Variants in NAA50 observed in about 807,000 individuals in gnomAD.
The protein encoded by NAA50 is N-alpha-acetyltransferase 50, NatE catalytic subunit.
Under a neutral mutation model 20.7 loss-of-function variants are expected in NAA50, and 7 were observed. The ratio of observed to expected loss-of-function variants is 0.34; its 90% CI spans 0.19 to 0.63. The LOEUF is 0.63. NAA50 is among the 30% of genes least tolerant of loss of function. The probability of loss-of-function intolerance (pLI) is 0.75; values close to 1 mark genes in which losing one functional copy is unlikely to be tolerated. For missense variants in NAA50, 111 were observed against 199.1 expected (o/e 0.56, Z 2.66); for synonymous variants, 54 against 70.6 (o/e 0.77, Z 1.18).
chr3:113,740,930 G>C (rs1176352201), intron 1 of NAA50: 1 of 501,858 alleles, frequency 2.0e-6, no homozygotes, highest in Non-Finnish European at 4.0e-6. Context: ...AAGGACTAGC[G>C]ATGGTAACAG....
Position 113,722,946 on chromosome 3 carries a change from T to C in NAA50, c.292A>G (p.Asn98Asp). The C allele has an allele frequency of 6.5e-7, 1 of 1,543,580 alleles. No individual in the cohort carries two copies. Among genetic ancestry groups the C allele is most frequent in the Middle Eastern group, 1.7e-4 (1 of 5,816 alleles). ...IGTKMLNHVL[N>D]ICEKDGTFDN... ...AAAGTACCATCTTTTTCACAGATGT[T>C]TAAGACATGATTTAACATTTTAGTT... Residue 98 changes from asparagine to aspartate, a missense_variant, in exon 4 of 5, where the codon AAC becomes GAC. Asn to Asp is a conservative substitution (Grantham distance 23, BLOSUM62 1). Transcript: ENST00000240922.
At chr3:113,745,860 C>T in intron 1 of NAA50, 82 bp downstream of exon 1, 1 of 1,487,948 alleles carries the variant, frequency 6.7e-7, no homozygotes, top group Non-Finnish European at 9.1e-7. Flanking sequence ...AATCTCTCCT[C>T]GCCTTTGCGG....
rs1035053764 is a variant in NAA50 at position 113,745,811 on chromosome 3, G to A, written c.8+131C>T. On this transcript the variant is annotated intron_variant, in intron 1 of 4. Coordinates refer to ENST00000240922, the MANE Select transcript of NAA50 (RefSeq NM_025146.4). ...GCCCCCTCCGGGAGCCGAGGGAACT[G>A]AGAAGCAGAGAAATCTCCCTCCGCC... 1.3e-5 allele frequency: 15 copies of A among 1,129,120 alleles called. No homozygotes were observed. The East Asian group carries it at 3.0e-4, about 23-fold the overall frequency. 69.9% of individuals were successfully genotyped at this position (1,129,120 alleles called of 1,614,324 possible).
chr3:113,732,548 G>A (rs1224627304), intron 1 of NAA50, among the ~76,000 whole-genome samples: 1 of 152,142 alleles, frequency 6.6e-6, no homozygotes, highest in Non-Finnish European at 1.5e-5. Flanking sequence ...ATCTTTCCTT[G>A]CCCCTTCCAG....
chr3:113,734,021 C>T (rs1053103295), intron 1 of NAA50, among the ~76,000 whole-genome samples: 6 of 151,974 alleles, frequency 3.9e-5, no homozygotes, highest in African/African-American at 1.2e-4. Context: ...AAATGGGAAT[C>T]GATCCTACTT....
intron 1 of NAA50, among the ~76,000 whole-genome samples, chr3:113,724,829 TGATGG>T (rs2107985292): frequency 6.6e-6 from 1 of 152,336 alleles, no homozygotes; most frequent in Non-Finnish European, 1.5e-5. Flanking sequence ...TCACAAGATC[TGATGG>T]TTTTATAAGG....
chr3:113,736,710 G>C (rs1471031560), intron 1 of NAA50, among the ~76,000 whole-genome samples: 2 of 152,052 alleles, frequency 1.3e-5, no homozygotes, highest in African/African-American at 2.4e-5. Context: ...GTTTTTTTAA[G>C]AAGGATGGTT....
At chr3:113,741,086 A>G (rs565237917) in intron 1 of NAA50, 84 of 528,602 alleles carry the variant, frequency 1.6e-4, no homozygotes, top group Non-Finnish European at 2.8e-4. Flanking sequence ...TACAGCATTA[A>G]TTGTTTTCAG....
At chr3:113,741,486 G>A (rs1302031879) in intron 1 of NAA50, among the ~76,000 whole-genome samples, 2 of 152,082 alleles carry the variant, frequency 1.3e-5, no homozygotes, top group South Asian at 2.1e-4. Context: ...AAAAGATGAA[G>A]GCCAATCATT....
At chr3:113,723,271 A>T in intron 3 of NAA50, 151 bp downstream of exon 3, 1 of 797,912 alleles carries the variant, frequency 1.3e-6, no homozygotes, top group Non-Finnish European at 1.9e-6. Context: ...ATGTTAATAA[A>T]CACTAGTTAT....
chr3:113,744,117 G>T (rs1708457678), intron 1 of NAA50, among the ~76,000 whole-genome samples: 1 of 152,134 alleles, frequency 6.6e-6, no homozygotes. Flanking sequence ...CAAGTACTGA[G>T]TGCCTGACAA....
At chr3:113,722,858 T>C in intron 4 of NAA50, 48 bp downstream of exon 4, 3 of 1,472,572 alleles carry the variant, frequency 2.0e-6, no homozygotes, top group Non-Finnish European at 2.7e-6. Context: ...AGATTTCTCC[T>C]GCCAATTAAA....
At chr3:113,735,556 A>G (rs762642183) in intron 1 of NAA50, among the ~76,000 whole-genome samples, 1 of 152,238 alleles carries the variant, frequency 6.6e-6, no homozygotes, top group Non-Finnish European at 1.5e-5. Context: ...TAAGAATGTA[A>G]TATGATGTAA....
chr3:113,741,119 T>C (rs1225190466), intron 1 of NAA50: 3 of 549,752 alleles, frequency 5.5e-6, no homozygotes. Flanking sequence ...ATGACTATAC[T>C]TGAATGAAGG....
chr3:113,734,283 A>C (rs1469600069), intron 1 of NAA50, among the ~76,000 whole-genome samples: 4 of 152,130 alleles, frequency 2.6e-5, no homozygotes, highest in Non-Finnish European at 5.9e-5. Flanking sequence ...GGAACAACAG[A>C]TACTGGGGAC....
chr3:113,718,533 T>C lies in NAA50; in HGVS notation c.*3227A>G, dbSNP rs1708092363. On this transcript the variant is annotated 3_prime_UTR_variant, in exon 5 of 5. Transcript: ENST00000240922. ...ACTAGAAATATTAAATACTGAATTC[T>C]GTTAAAGAAAAAATCTTAAATTCAT... The C allele has an allele frequency of 6.6e-6, 1 of 152,246 alleles. No homozygotes were observed. Among genetic ancestry groups the C allele is most frequent in the Non-Finnish European group, 1.5e-5 (1 of 68,042 alleles). 9.4% of individuals were successfully genotyped at this position (152,246 alleles called of 1,614,324 possible).
At chr3:113,735,730 C>G (rs904663513) in intron 1 of NAA50, among the ~76,000 whole-genome samples, 2 of 152,242 alleles carry the variant, frequency 1.3e-5, no homozygotes, top group Non-Finnish European at 2.9e-5. Context: ...GAAGCTCAGG[C>G]TAGAGTGCAG....
intron 1 of NAA50, among the ~76,000 whole-genome samples, chr3:113,743,240 A>G (rs932744100): frequency 6.6e-6 from 1 of 152,262 alleles, no homozygotes; most frequent in Admixed American, 6.5e-5. Flanking sequence ...GATAGGCAAC[A>G]TAGGCAACAG....
At chr3:113,734,417 C>T (rs942308793) in intron 1 of NAA50, among the ~76,000 whole-genome samples, 5 of 151,982 alleles carry the variant, frequency 3.3e-5, no homozygotes, top group Admixed American at 6.6e-5. Flanking sequence ...AACACACCCA[C>T]GTAACAAACC....
Sources: allele counts gnomAD v4.1 joint callset (sites outside exome capture counted in the v4.1 genomes callset), GRCh38; gene constraint gnomAD v4.1.1; transcripts MANE v1.5; gene names NCBI Gene and HGNC (gene_info 2026-07-23, HGNC 2026-07-21).